METTL3: variants seen among roughly 807,000 people sequenced by gnomAD.
The protein encoded by METTL3 is N(6)-adenosine-methyltransferase catalytic subunit METTL3.
METTL3 carries 42 observed loss-of-function variants against 64.3 expected under a neutral mutation model. That is an observed-to-expected ratio of 0.65 (90% CI 0.51 to 0.84). The LOEUF is 0.84. METTL3 is among the 40% of genes least tolerant of loss of function. The pLI is 0.00. For synonymous variants in METTL3, 256 were observed against 263.6 expected (o/e 0.97, Z 0.28); for missense variants, 435 against 722.3 (o/e 0.60, Z 4.56).
chr14:21,507,795 A>G (rs1285485324), intron 1 of METTL3: 2 of 152,238 alleles, frequency 1.3e-5, no homozygotes, highest in Non-Finnish European at 2.9e-5. Flanking sequence ...CCTAAAGCTC[A>G]ACAAAATACA....
chr14:21,504,051 C>T (rs1483836685), intron 1 of METTL3, 170 bp from the exon 2 acceptor site: 1 of 611,358 alleles, frequency 1.6e-6, no homozygotes, highest in Non-Finnish European at 2.9e-6. Flanking sequence ...CTAAAACATT[C>T]ACTGCTTTGT....
In METTL3 at chr14:21,503,864, C is replaced by A. The variant is rs201324567; in HGVS notation, c.118G>T (p.Ala40Ser). The A allele has an allele frequency of 6.9e-5, 111 of 1,613,960 alleles. No individual in the cohort carries two copies. In the Middle Eastern group the frequency reaches 2.0e-3, roughly 29 times the overall value. ...CTACGGAAGGTTGGAGACAATGCTG[C>A]CTCTGGATTCCGTAGATCTAAGAAT... ...SGHLDLRNPE[A>S]ALSPTFRSDS... is the part of the protein sequence containing the mutation. The change falls in exon 2 of 11, where the codon GCA becomes TCA. Residue 40 changes from alanine (A) to serine (S), a missense_variant. Transcript: ENST00000298717.
Position 21,498,321 on chromosome 14 carries a change from A to T in METTL3, c.1680T>A (p.Asp560Glu). The T allele has an allele frequency of 6.2e-7, 1 of 1,614,194 alleles. No individual in the cohort carries two copies. Among genetic ancestry groups the T allele is most frequent in the Non-Finnish European group, 8.5e-7 (1 of 1,180,020 alleles). ...ACCTTTGCTTGAACCGTGCAACCAC[A>T]TCTGGGTCTAGTAGGTGGATCCCAT... ...QLDGIHLLDP[D>E]VVARFKQRYP... is the part of the protein sequence containing the mutation. The change falls in exon 11 of 11, where the codon GAT (aspartate) becomes GAA (glutamate). Residue 560 changes from aspartate to glutamate, a missense_variant. Around this residue, in one of 9 missense-constraint regions of METTL3, gnomAD observed 20 missense variants for 26.2 expected, o/e 0.76. Coordinates refer to ENST00000298717, the MANE Select transcript of METTL3 (RefSeq NM_019852.5).
intron 4 of METTL3, 126 bp downstream of exon 4, chr14:21,501,602 G>T: frequency 1.7e-6 from 2 of 1,182,050 alleles, no homozygotes; most frequent in Non-Finnish European, 2.4e-6. Flanking sequence ...TTCAGGGTCT[G>T]GAGGACTTAC....
Position 21,508,427 on chromosome 14 carries a change from C to G in METTL3, c.100+2697G>C, listed in dbSNP as rs542286428. Reference sequence around the variant, plus strand: ...TGTCAAAAATATTAAACATGTTTAGCAAGGACCTGGATCAAAGTATCAAGG... The same window carrying G: ...TGTCAAAAATATTAAACATGTTTAGGAAGGACCTGGATCAAAGTATCAAGG... On this transcript the variant is annotated intron_variant, in intron 1 of 10. Transcript: ENST00000298717. 3.9e-5 allele frequency among the ~76,000 whole-genome samples: 6 copies of G among 152,216 alleles called. No individual in the cohort carries two copies. In the South Asian group the frequency reaches 1.2e-3, roughly 32 times the overall value.
At position 21,503,724 on chromosome 14, in the gene METTL3, G is replaced by C. The variant is rs1180906685; in HGVS notation, c.258C>G (p.Leu86=). Residue 86 remains leucine (L), a synonymous_variant, in exon 2 of 11, where the codon CTC becomes CTG. Coordinates refer to ENST00000298717, the MANE Select transcript of METTL3 (RefSeq NM_019852.5). ...TGGGCAATGTTAAGGCCAGATCAGA[G>C]AGGTGGTGTAGCAACTTCTTCTCTA... ...PELEKKLLHH[L]SDLALTLPTD... 1.2e-6 allele frequency: 2 copies of C among 1,614,250 alleles called. No homozygotes were observed. The highest frequency in any genetic ancestry group is 1.7e-6 in the Non-Finnish European group (2 of 1,180,048).
chr14:21,511,005 T>C (rs946315372), intron 1 of METTL3, 119 bp downstream of exon 1: 1 of 1,148,480 alleles, frequency 8.7e-7, no homozygotes, highest in South Asian at 1.6e-5. Flanking sequence ...GGAGTACCAA[T>C]GTACGAGGCT....
At chr14:21,499,438 C>CA in intron 8 of METTL3, 54 bp downstream of exon 8, 1 of 1,607,826 alleles carries the variant, frequency 6.2e-7, no homozygotes, top group Non-Finnish European at 8.5e-7. Flanking sequence ...AGTAAGAAAT[C>CA]AAATGATTCT....
At chr14:21,505,471 C>A (rs1423062679) in intron 1 of METTL3, among the ~76,000 whole-genome samples, 4 of 152,146 alleles carry the variant, frequency 2.6e-5, no homozygotes, top group Non-Finnish European at 5.9e-5. Context: ...ATTAATAACA[C>A]CTCCTGGGAG....
At chr14:21,503,114 C>T (rs1166527025) in intron 3 of METTL3, 59 bp downstream of exon 3, 1 of 1,531,496 alleles carries the variant, frequency 6.5e-7, no homozygotes, top group Non-Finnish European at 8.8e-7. Context: ...GGGTAAATCC[C>T]TGTCAAACAA....
In METTL3 at chr14:21,500,907, A is replaced by G; in HGVS notation, c.1116+6T>C. 4 of 1,611,054 alleles carry G rather than the reference A, an allele frequency of 2.5e-6. No homozygotes were observed. Among genetic ancestry groups the G allele is most frequent in the South Asian group, 2.2e-5 (2 of 90,902 alleles). On this transcript the variant is annotated splice_donor_region_variant and intron_variant, in intron 5 of 10. Transcript: ENST00000298717. ...GTTGAGACGAGTTTTCTGAGCAGAC[A>G]GGTACCTGAGGTGGGAAGAGTCGGT...
intron 1 of METTL3, among the ~76,000 whole-genome samples, chr14:21,507,027 C>T (rs978207807): frequency 3.9e-5 from 6 of 151,998 alleles, no homozygotes; most frequent in African/African-American, 1.4e-4. Flanking sequence ...GTGATCCACC[C>T]GCCTTAGCCT....
chr14:21,499,914 C>T, intron 6 of METTL3, 112 bp from the exon 7 acceptor site: 1 of 912,426 alleles, frequency 1.1e-6, no homozygotes, highest in Non-Finnish European at 1.8e-6. Flanking sequence ...GCTCAGTGAA[C>T]ATTTACATGC....
In METTL3 at chr14:21,499,819, T is replaced by TA. The variant is rs767223157; in HGVS notation, c.1305-18dup. Reference sequence around the variant, plus strand: ...TCCATGGCCCTAGAAAGAAATGAGTTAAACAACTATTTGTATGCCCATATT... The same window carrying TA: ...TCCATGGCCCTAGAAAGAAATGAGTTAAAACAACTATTTGTATGCCCATATT... On this transcript the variant is annotated splice_polypyrimidine_tract_variant and intron_variant, in intron 6 of 10. Transcript: ENST00000298717. 3 of 1,611,428 alleles carry TA rather than the reference T, an allele frequency of 1.9e-6. No homozygotes were observed. In the South Asian group the frequency reaches 3.3e-5, roughly 18 times the overall value.
At chr14:21,500,860 C>T (rs1891549846) in intron 5 of METTL3, 53 bp downstream of exon 5, 6 of 1,545,340 alleles carry the variant, frequency 3.9e-6, no homozygotes, top group Non-Finnish European at 5.3e-6. Flanking sequence ...GTATGGCTGC[C>T]CTATCAAACA....
chr14:21,499,489 C>A lies in METTL3; in HGVS notation c.1452+3G>T. 3 of 1,610,542 alleles carry A rather than the reference C, an allele frequency of 1.9e-6. No individual in the cohort carries two copies. Among genetic ancestry groups the A allele is most frequent in the South Asian group, 1.1e-5 (1 of 91,010 alleles). On this transcript the variant is annotated splice_donor_region_variant and intron_variant, in intron 8 of 10. Coordinates refer to ENST00000298717, the MANE Select transcript of METTL3 (RefSeq NM_019852.5). ...TATTGAATTGGGCCCCACTGCTGCT[C>A]ACCAAGCAGTGTTCCTTCCCATGGT...
chr14:21,500,825 G>A, intron 5 of METTL3, 88 bp downstream of exon 5: 1 of 1,439,754 alleles, frequency 6.9e-7, no homozygotes, highest in Non-Finnish European at 9.5e-7. Context: ...CAAGATTGCT[G>A]AATTATGCTC....
chr14:21,510,573 T>C (rs1203142873), intron 1 of METTL3: 1 of 152,262 alleles, frequency 6.6e-6, no homozygotes, highest in Non-Finnish European at 1.5e-5. Context: ...ACACAAATGT[T>C]TTCAGATTCC....
chr14:21,510,867 C>T, intron 1 of METTL3: 3 of 470,918 alleles, frequency 6.4e-6, no homozygotes, highest in Non-Finnish European at 7.7e-6. Context: ...GAGGAGTGGG[C>T]AAGGCGGACG....
Sources: gnomAD v4.1 joint callset for allele counts (sites outside exome capture counted in the v4.1 genomes callset) on GRCh38, gnomAD v4.1.1 for gene constraint, gnomAD v4.1.1 regional missense constraint, MANE v1.5 for transcripts, NCBI Gene and HGNC (gene_info 2026-07-23, HGNC 2026-07-21) for gene names.